Variants in DIAPH3 observed in about 807,000 individuals in gnomAD.
DIAPH3 encodes protein diaphanous homolog 3.
DIAPH3 carries 117 observed loss-of-function variants against 144.3 expected under a neutral mutation model. That is an observed-to-expected ratio of 0.81 (90% confidence interval 0.70 to 0.95). DIAPH3 has a LOEUF of 0.95. Among genes scored for constraint, DIAPH3 ranks in the 40% least tolerant of loss-of-function variants. The probability of loss-of-function intolerance (pLI) is 0.00; values close to 1 mark genes in which losing one functional copy is unlikely to be tolerated. For synonymous variants in DIAPH3, 519 were observed against 488.9 expected, an observed-to-expected ratio of 1.06 and a Z score of -0.81; for missense variants, 1,421 against 1,412.7, an observed-to-expected ratio of 1.01 and a Z score of -0.09.
At chr13:59,774,925 G>T in intron 25 of DIAPH3, 102 bp from the exon 26 acceptor site, 1 of 936,964 alleles carries the variant, frequency 1.1e-6, no homozygotes, top group Non-Finnish European at 1.7e-6. Context: ...GGAGAAAAAA[G>T]ATCAGATGCC....
intron 9 of DIAPH3, among the ~76,000 whole-genome samples, chr13:60,002,599 G>A (rs1267108456): frequency 2.6e-5 from 4 of 152,170 alleles, no homozygotes; most frequent in Non-Finnish European, 5.9e-5. Context: ...CAGTTTACAA[G>A]TGGCAGATCG....
intron 1 of DIAPH3, among the ~76,000 whole-genome samples, chr13:60,162,809 T>TCACACACACA (rs35687460): frequency 1.1e-3 from 131 of 122,508 alleles, no homozygotes; most frequent in Admixed American, 7.4e-3. Flanking sequence ...TCTCTCTCTC[T>TCACACACACA]CACACACACA....
At chr13:59,805,108 C>T (rs1406558479) in intron 25 of DIAPH3, among the ~76,000 whole-genome samples, 1 of 151,986 alleles carries the variant, frequency 6.6e-6, no homozygotes, top group African/African-American at 2.4e-5. Context: ...AAATAATAGA[C>T]AAATTGTAAC....
At chr13:60,041,461 A>G (rs898810527) in intron 5 of DIAPH3, among the ~76,000 whole-genome samples, 8 of 152,208 alleles carry the variant, frequency 5.3e-5, no homozygotes, top group Admixed American at 2.0e-4. Flanking sequence ...GAAATATACT[A>G]AAGTTTCTTT....
At position 59,666,456 on chromosome 13, in the gene DIAPH3, T is replaced by A; in HGVS notation, c.*128A>T. ...ATTGCAATCATATATTTAGCTTTATTTTTCTAATATATATCATAATTTAAA... is the reference window on the plus strand; with the variant it reads ...ATTGCAATCATATATTTAGCTTTATATTTCTAATATATATCATAATTTAAA... On this transcript the variant is annotated 3_prime_UTR_variant, in exon 28 of 28. Transcript: ENST00000400324. 8.9e-7 allele frequency: 1 copy of A among 1,128,824 alleles called. No homozygotes were observed. The highest frequency in any genetic ancestry group is 1.2e-6 in the Non-Finnish European group (1 of 810,720). The allele number at this position is 1,128,824 out of a possible 1,614,324, so 69.9% of individuals were successfully genotyped here.
At chr13:60,005,664 G>T (rs1274487493) in intron 9 of DIAPH3, among the ~76,000 whole-genome samples, 1 of 151,970 alleles carries the variant, frequency 6.6e-6, no homozygotes, top group East Asian at 1.9e-4. Flanking sequence ...TGTATTTTTA[G>T]TAGAGACGGG....
chr13:59,820,667 C>T (rs373400207), intron 24 of DIAPH3, among the ~76,000 whole-genome samples: 1 of 151,276 alleles, frequency 6.6e-6, no homozygotes, highest in East Asian at 1.9e-4. Context: ...GCCTATATTC[C>T]AAATAGGCCT....
intron 22 of DIAPH3, among the ~76,000 whole-genome samples, chr13:59,857,649 G>A (rs1304753226): frequency 6.6e-6 from 1 of 152,152 alleles, no homozygotes; most frequent in African/African-American, 2.4e-5. Flanking sequence ...GTCTAGAGCA[G>A]CAGTTCCTAA....
At chr13:59,879,632 G>A (rs1277651531) in intron 20 of DIAPH3, among the ~76,000 whole-genome samples, 164 bp from the exon 21 acceptor site, 2 of 152,118 alleles carry the variant, frequency 1.3e-5, no homozygotes, top group African/African-American at 2.4e-5. Flanking sequence ...GCTTGTTTTT[G>A]TAAGGAATCC....
chr13:59,861,876 C>T (rs2043614047), intron 21 of DIAPH3, among the ~76,000 whole-genome samples: 1 of 152,148 alleles, frequency 6.6e-6, no homozygotes, highest in Non-Finnish European at 1.5e-5. Flanking sequence ...TATCACTTGG[C>T]ACATATCCAT....
intron 27 of DIAPH3, among the ~76,000 whole-genome samples, chr13:59,754,469 G>T (rs958209112): frequency 6.6e-6 from 1 of 151,982 alleles, no homozygotes; most frequent in Non-Finnish European, 1.5e-5. Context: ...TTATGTCTGG[G>T]GCAATCTATT....
intron 3 of DIAPH3, among the ~76,000 whole-genome samples, chr13:60,106,931 T>C (rs1459354148): frequency 6.6e-6 from 1 of 152,078 alleles, no homozygotes; most frequent in Non-Finnish European, 1.5e-5. Flanking sequence ...TTCAAATTCA[T>C]AAAATACAAG....
At chr13:59,781,879 C>T (rs371426) in intron 25 of DIAPH3, among the ~76,000 whole-genome samples, 99,164 of 151,836 alleles carry the variant, frequency 0.65, 32,847 homozygotes, top group East Asian at 0.72. Flanking sequence ...GGATTAGTGG[C>T]CTTATAAAAG....
At chr13:60,073,449 C>T (rs1327266603) in intron 4 of DIAPH3, among the ~76,000 whole-genome samples, 3 of 152,234 alleles carry the variant, frequency 2.0e-5, no homozygotes, top group African/African-American at 7.2e-5. Context: ...GTTATCAAAT[C>T]TAGTCCTCTA....
At chr13:59,787,126 A>T (rs1356699383) in intron 25 of DIAPH3, among the ~76,000 whole-genome samples, 1 of 152,168 alleles carries the variant, frequency 6.6e-6, no homozygotes, top group Admixed American at 6.6e-5. Flanking sequence ...AATGTGTAAC[A>T]TGTACTACAC....
intron 27 of DIAPH3, among the ~76,000 whole-genome samples, chr13:59,715,136 T>C (rs2034985224): frequency 6.6e-6 from 1 of 152,180 alleles, no homozygotes; most frequent in Admixed American, 6.5e-5. Context: ...CTTTCGTTCA[T>C]CTAATATTTG....
Position 60,135,631 on chromosome 13 carries a change from G to A in DIAPH3, c.181-2642C>T, listed in dbSNP as rs377152910. Among the ~76,000 whole-genome samples the A allele has an allele frequency of 4.6e-5, 7 of 152,292 alleles. No individual in the cohort carries two copies. In the East Asian group the frequency reaches 1.2e-3, roughly 25 times the overall value. On this transcript the variant is annotated intron_variant, in intron 1 of 27. Coordinates refer to ENST00000400324, the MANE Select transcript of DIAPH3 (RefSeq NM_001042517.2). Reference sequence around the variant, plus strand: ...AAATTCAAGAGTCCAGACGGGACTGGAGAAACTCACTAACAGAGTAAGGAG... The same window carrying A: ...AAATTCAAGAGTCCAGACGGGACTGAAGAAACTCACTAACAGAGTAAGGAG...
chr13:59,997,217 A>G (rs570057560), intron 9 of DIAPH3, among the ~76,000 whole-genome samples: 1 of 151,396 alleles, frequency 6.6e-6, no homozygotes, highest in Admixed American at 6.6e-5. Context: ...GCCCCCACTC[A>G]CTCTTCCCAG....
intron 27 of DIAPH3, among the ~76,000 whole-genome samples, chr13:59,750,118 G>A (rs1343566994): frequency 6.6e-6 from 1 of 152,134 alleles, no homozygotes; most frequent in African/African-American, 2.4e-5. Flanking sequence ...GCAATAGTGA[G>A]AAATAGCTTG....
Sources: gnomAD v4.1 joint callset for allele counts (sites outside exome capture counted in the v4.1 genomes callset) on GRCh38, gnomAD v4.1.1 for gene constraint, MANE v1.5 for transcripts, NCBI Gene and HGNC (gene_info 2026-07-23, HGNC 2026-07-21) for gene names.